The following GRK7 variants were observed in gnomAD, a reference collection of about 807,000 sequenced individuals.
The protein encoded by GRK7 is G protein-coupled receptor kinase 7, also known as rhodopsin kinase GRK7.
In GRK7, 24 loss-of-function variants were observed where a neutral mutation model predicts 34.1. That is an observed-to-expected ratio of 0.70 (90% confidence interval 0.51 to 0.99). The LOEUF is 0.99. Ranked by LOEUF, GRK7 falls within the 50% of genes least tolerant of loss-of-function variation. The pLI is 0.00. For missense variants in GRK7, 644 were observed against 707.3 expected (o/e 0.91, Z 1.02); for synonymous variants, 256 against 279.4 (o/e 0.92, Z 0.84).
chr3:141,802,919 C>T (rs1710985627), intron 4 of GRK7, among the ~76,000 whole-genome samples: 2 of 152,142 alleles, frequency 1.3e-5, no homozygotes, highest in South Asian at 4.1e-4. Context: ...GCATCACATC[C>T]CCCTTCCCTC....
chr3:141,789,656 C>CA (rs60765509), intron 4 of GRK7, among the ~76,000 whole-genome samples: 1,572 of 119,208 alleles, frequency 0.013, 48 homozygotes, highest in Non-Finnish European at 0.016. Flanking sequence ...GCCAAATGGG[C>CA]AAAAAAAAAA....
chr3:141,755,309 C>A, the GRK7 span, among the ~76,000 whole-genome samples: 7 of 152,202 alleles, frequency 4.6e-5, no homozygotes, highest in South Asian at 1.2e-3. Flanking sequence ...TTGAGACAAG[C>A]CTGGGCAACA....
intron 4 of GRK7, among the ~76,000 whole-genome samples, chr3:141,781,401 G>GCACA: frequency 6.6e-6 from 1 of 152,030 alleles, no homozygotes; most frequent in Non-Finnish European, 1.5e-5. Context: ...GCCAGGCATG[G>GCACA]TGACAGGCGC....
intron 4 of GRK7, among the ~76,000 whole-genome samples, chr3:141,800,251 T>G (rs1416614630): frequency 6.6e-6 from 1 of 151,790 alleles, no homozygotes; most frequent in Non-Finnish European, 1.5e-5. Context: ...ACTTCTCAGG[T>G]GGGGTATGGA....
intron 5 of GRK7, among the ~76,000 whole-genome samples, chr3:141,815,992 T>C (rs1180030737): frequency 6.6e-6 from 1 of 152,180 alleles, no homozygotes; most frequent in Admixed American, 6.5e-5. Context: ...AATAAATGTT[T>C]GTTGTTTTAA....
intron 4 of GRK7, among the ~76,000 whole-genome samples, chr3:141,782,979 T>C (rs2084679335): frequency 6.6e-6 from 1 of 152,216 alleles, no homozygotes. Context: ...AATAAGCACT[T>C]GCCAGCATTA....
intron 4 of GRK7, among the ~76,000 whole-genome samples, chr3:141,805,546 CA>C (rs554784530): frequency 4.7e-4 from 72 of 152,258 alleles, no homozygotes; most frequent in African/African-American, 1.6e-3. Context: ...AACATATGGT[CA>C]CCCAAATTAT....
At chr3:141,800,252 G>A (rs1710943183) in intron 4 of GRK7, among the ~76,000 whole-genome samples, 2 of 151,942 alleles carry the variant, frequency 1.3e-5, no homozygotes, top group Admixed American at 6.6e-5. Context: ...CTTCTCAGGT[G>A]GGGTATGGAG....
rs1577923831 is a variant in GRK7 at position 141,802,365 on chromosome 3, G to GCCACACACACAC, written c.1051-5280_1051-5279insCCACACACACAC. The stretch of plus-strand genomic sequence containing the variant: ...TGAAACTCTCTTTCTCTCTTTCTCT[G>GCCACACACACAC]TCACACACACACACACACACACACA... On this transcript the variant is annotated intron_variant, in intron 4 of 5. Transcript: ENST00000682958. Among the ~76,000 whole-genome samples the GCCACACACACAC allele has an allele frequency of 1.8e-3, 63 of 34,220 alleles. 1 individual carries two copies. The South Asian group carries it at 0.031, about 17-fold the overall frequency. The allele number at this position is 34,220 out of a possible 152,430, so 22.4% of individuals were successfully genotyped here. A position where few individuals can be genotyped will look rare whatever the true frequency, so the allele number is the denominator to read the frequency against.
At chr3:141,805,393 T>A (rs1050780195) in intron 4 of GRK7, among the ~76,000 whole-genome samples, 1 of 152,228 alleles carries the variant, frequency 6.6e-6, no homozygotes, top group Non-Finnish European at 1.5e-5. Context: ...CTGTGATAAG[T>A]GCCTGGATTT....
At chr3:141,782,155 T>C (rs571574128) in intron 4 of GRK7, among the ~76,000 whole-genome samples, 1 of 152,330 alleles carries the variant, frequency 6.6e-6, no homozygotes, top group African/African-American at 2.4e-5. Flanking sequence ...ATTAGATTTC[T>C]GTCTTAAAAA....
upstream of GRK7, among the ~76,000 whole-genome samples, chr3:141,763,210 A>C (rs1217909565): frequency 2.0e-5 from 3 of 152,220 alleles, no homozygotes; most frequent in East Asian, 5.8e-4. Flanking sequence ...CTCATGCTTC[A>C]AATAGCCGTT....
intron 4 of GRK7, among the ~76,000 whole-genome samples, chr3:141,789,462 G>C (rs1478696828): frequency 6.6e-6 from 1 of 152,140 alleles, no homozygotes; most frequent in African/African-American, 2.4e-5. Flanking sequence ...ACAGTTCCCA[G>C]AGAGGGCGCT....
chr3:141,781,843 T>C (rs16851783), intron 4 of GRK7, among the ~76,000 whole-genome samples: 1 of 152,182 alleles, frequency 6.6e-6, no homozygotes, highest in Non-Finnish European at 1.5e-5. Flanking sequence ...TCTCTGGAAT[T>C]CTAACATCTT....
At chr3:141,787,413 C>T (rs1222106362) in intron 4 of GRK7, among the ~76,000 whole-genome samples, 1 of 151,986 alleles carries the variant, frequency 6.6e-6, no homozygotes, top group African/African-American at 2.4e-5. Context: ...CACCTGAGGT[C>T]AGGAGCTTGA....
chr3:141,806,850 T>C (rs1711041586), intron 4 of GRK7, among the ~76,000 whole-genome samples: 1 of 152,012 alleles, frequency 6.6e-6, no homozygotes, highest in Non-Finnish European at 1.5e-5. Flanking sequence ...GAACTTACAC[T>C]GCAAAATGAT....
rs1414974494 is a variant in GRK7, at chr3:141,780,526, C to G, written c.765C>G (p.Ala255=). The G allele has an allele frequency of 1.1e-5, 18 of 1,614,242 alleles. No individual in the cohort carries two copies. In the East Asian group the frequency reaches 4.0e-4, roughly 36 times the overall value. The change falls in exon 4 of 6, where the codon GCC becomes GCG. Residue 255 remains alanine, a synonymous_variant. Transcript: ENST00000682958. The stretch of plus-strand genomic sequence containing the variant: ...GCAGCCCTTTCATTGTCTCTCTGGC[C>G]TATGCCTTTGAGAGCAAGACCCATC... ...KVSSPFIVSL[A]YAFESKTHLC...
upstream of GRK7, among the ~76,000 whole-genome samples, chr3:141,759,678 G>GTTA (rs1475970728): frequency 1.3e-5 from 1 of 74,370 alleles, no homozygotes; most frequent in Non-Finnish European, 2.5e-5. Flanking sequence ...CATAAAATGA[G>GTTA]TTAGGGAGGG....
At position 141,817,099 on chromosome 3, in the gene GRK7, C is replaced by A; in HGVS notation, c.*49C>A. The A allele has an allele frequency of 7.2e-7, 1 of 1,379,362 alleles. No homozygotes were observed. Among genetic ancestry groups the A allele is most frequent in the Non-Finnish European group, 9.9e-7 (1 of 1,011,910 alleles). The allele number at this position is 1,379,362 out of a possible 1,614,324, so 85.4% of individuals were successfully genotyped here. A position where few individuals can be genotyped will look rare whatever the true frequency, so the allele number is the denominator to read the frequency against. ...AGCAGGAGTCTCGGCTGACATAATC[C>A]TCGAATGTTCCACACGTGGAAATCT... On this transcript the variant is annotated 3_prime_UTR_variant, in exon 6 of 6. Coordinates refer to ENST00000682958, the MANE Select transcript of GRK7 (RefSeq NM_139209.3).
Sources: gnomAD v4.1 joint callset for allele counts (sites outside exome capture counted in the v4.1 genomes callset) on GRCh38, gnomAD v4.1.1 for gene constraint, MANE v1.5 for transcripts, NCBI Gene and HGNC (gene_info 2026-07-23, HGNC 2026-07-21) for gene names.